HYCC1: variants seen among roughly 807,000 people sequenced by gnomAD.
HYCC1 encodes the protein hyccin.
At chr7:22,946,462 A>G in the HYCC1 span, among the ~76,000 whole-genome samples, 1 of 152,242 alleles carries the variant, frequency 6.6e-6, no homozygotes, top group East Asian at 1.9e-4. Flanking sequence ...AGAAACAATT[A>G]GAAATATCAC....
the HYCC1 span, among the ~76,000 whole-genome samples, chr7:22,998,639 G>A: frequency 7.9e-5 from 12 of 151,974 alleles, no homozygotes; most frequent in Admixed American, 2.0e-4. Flanking sequence ...TATAATGCCC[G>A]TCAAATTTAC....
chr7:22,987,021 C>T, the HYCC1 span, among the ~76,000 whole-genome samples: 3 of 152,120 alleles, frequency 2.0e-5, no homozygotes, highest in East Asian at 3.9e-4. Flanking sequence ...TATTCAACAA[C>T]ATCACACATA....
At chr7:22,985,086 T>C in the HYCC1 span, among the ~76,000 whole-genome samples, 5 of 152,168 alleles carry the variant, frequency 3.3e-5, no homozygotes, top group Non-Finnish European at 7.3e-5. Context: ...AAGTCATTAT[T>C]CTCTCTCACC....
At chr7:22,897,537 C>T in the HYCC1 span, among the ~76,000 whole-genome samples, 8 of 152,296 alleles carry the variant, frequency 5.3e-5, 1 homozygote, top group South Asian at 1.4e-3. Context: ...TTGCACGGCA[C>T]TGTTGTGAGA....
chr7:23,010,945 CCTGGTTTCTGAACCACCACT>C, the HYCC1 span, among the ~76,000 whole-genome samples: 1 of 152,186 alleles, frequency 6.6e-6, no homozygotes, highest in African/African-American at 2.4e-5. Flanking sequence ...TCTTCTGAAG[CCTGGTTTCTGAACCACCACT>C]CAGTTAAAAC....
the HYCC1 span, among the ~76,000 whole-genome samples, chr7:23,004,187 G>A: frequency 1.3e-5 from 2 of 152,122 alleles, no homozygotes; most frequent in Admixed American, 1.3e-4. Flanking sequence ...AATTAGCAGA[G>A]CAAAAATTTC....
At chr7:22,919,969 G>A in the HYCC1 span, among the ~76,000 whole-genome samples, 1 of 152,268 alleles carries the variant, frequency 6.6e-6, no homozygotes, top group East Asian at 1.9e-4. Context: ...GAACTCCAAG[G>A]AAAATAGATG....
At chr7:22,906,832 C>A in the HYCC1 span, among the ~76,000 whole-genome samples, 2 of 151,954 alleles carry the variant, frequency 1.3e-5, no homozygotes, top group African/African-American at 2.4e-5. Context: ...GGCTGGGTTT[C>A]TTTAATACAT....
the HYCC1 span, among the ~76,000 whole-genome samples, chr7:23,002,157 T>C: frequency 0.22 from 21,873 of 97,332 alleles, 2,201 homozygotes; most frequent in East Asian, 0.44. Flanking sequence ...TATATATATA[T>C]ATATATATAT....
the HYCC1 span, chr7:22,983,778 G>A: frequency 6.8e-6 from 4 of 588,224 alleles, no homozygotes; most frequent in Admixed American, 2.9e-5. Context: ...CTGGAATACG[G>A]TAATAAATTA....
At chr7:22,948,674 T>C in the HYCC1 span, among the ~76,000 whole-genome samples, 11 of 152,090 alleles carry the variant, frequency 7.2e-5, no homozygotes, top group Non-Finnish European at 1.5e-4. Context: ...CAAAGCTTCA[T>C]GGTGCCTCGC....
At chr7:22,909,134 G>A in the HYCC1 span, among the ~76,000 whole-genome samples, 27 of 152,274 alleles carry the variant, frequency 1.8e-4, no homozygotes, top group East Asian at 3.1e-3. Flanking sequence ...ATCTCATGTC[G>A]AAATGTAATT....
chr7:23,002,163 T>TATATATATAA, the HYCC1 span, among the ~76,000 whole-genome samples: 2 of 65,366 alleles, frequency 3.1e-5, no homozygotes, highest in African/African-American at 1.4e-4. Context: ...TATATATATA[T>TATATATATAA]ATATATATAT....
At chr7:22,927,550 T>TA in the HYCC1 span, among the ~76,000 whole-genome samples, 2 of 152,144 alleles carry the variant, frequency 1.3e-5, no homozygotes, top group Non-Finnish European at 2.9e-5. Context: ...GAGAATACTA[T>TA]AAACACCTCT....
At chr7:22,996,597 TAAAAAAAAAA>T in the HYCC1 span, among the ~76,000 whole-genome samples, 24 of 106,554 alleles carry the variant, frequency 2.3e-4, no homozygotes, top group African/African-American at 3.4e-4. Context: ...GTACAATTGT[TAAAAAAAAAA>T]AAAAAAAAAA....
At chr7:22,947,514 G>A in the HYCC1 span, among the ~76,000 whole-genome samples, 2 of 151,986 alleles carry the variant, frequency 1.3e-5, no homozygotes, top group Non-Finnish European at 2.9e-5. Flanking sequence ...ATTTCACATG[G>A]AATATGAAAG....
chr7:23,006,578 T>A, the HYCC1 span, among the ~76,000 whole-genome samples: 1 of 152,212 alleles, frequency 6.6e-6, no homozygotes, highest in Non-Finnish European at 1.5e-5. Context: ...ATTTAAGCAC[T>A]TTTAAGGCTT....
the HYCC1 span, chr7:22,961,460 T>G: frequency 1.9e-6 from 1 of 532,592 alleles, no homozygotes. Context: ...CTTAAAAATG[T>G]ATCTTTAAAT....
chr7:22,945,434 G>A, the HYCC1 span: 1 of 651,414 alleles, frequency 1.5e-6, no homozygotes, highest in Non-Finnish European at 2.7e-6. Flanking sequence ...CTGCAACCTA[G>A]ACAATCTTCC....
Sources: allele counts gnomAD v4.1 joint callset (sites outside exome capture counted in the v4.1 genomes callset), GRCh38; gene constraint gnomAD v4.1.1; transcripts MANE v1.5; gene names NCBI Gene and HGNC (gene_info 2026-07-23, HGNC 2026-07-21).